MLIP: variants seen among roughly 807,000 people sequenced by gnomAD.
MLIP encodes muscular LMNA interacting protein.
Under a neutral mutation model 84.8 loss-of-function variants are expected in MLIP, and 79 were observed. The observed-to-expected ratio is 0.93, with a 90% CI of 0.78 to 1.12. The LOEUF (loss-of-function observed/expected upper bound fraction) is 1.12. MLIP is among the 50% of genes most tolerant of loss of function. The pLI, the probability that MLIP is intolerant of heterozygous loss-of-function variation, is 0.00. For missense variants in MLIP, 1,257 were observed against 1,160.6 expected, an observed-to-expected ratio of 1.08 and a Z score of -1.21; for synonymous variants, 504 against 463.0, an observed-to-expected ratio of 1.09 and a Z score of -1.14.
intron 2 of MLIP, among the ~76,000 whole-genome samples, chr6:54,122,420 T>TGTTA (rs1342334746): frequency 6.6e-6 from 1 of 152,186 alleles, no homozygotes; most frequent in African/African-American, 2.4e-5. Context: ...AAATAACTTG[T>TGTTA]GTTAGAATAA....
At chr6:54,209,602 T>C (rs1024760035) in intron 11 of MLIP, among the ~76,000 whole-genome samples, 1 of 152,106 alleles carries the variant, frequency 6.6e-6, no homozygotes, top group Non-Finnish European at 1.5e-5. Context: ...TACCGGTAGG[T>C]TTTAGAGTTT....
Position 54,136,921 on chromosome 6 carries a change from T to A in MLIP, c.852T>A (p.Ser284=). The A allele has an allele frequency of 6.5e-7, 1 of 1,536,036 alleles. No individual in the cohort carries two copies. The highest frequency in any genetic ancestry group is 2.4e-5 in the East Asian group (1 of 40,914). ...CGTATTTTCAAACTACCGCTCACTCTACACCCTTTTCTGCATCGAAGGGCA... is the reference window on the plus strand; with the variant it reads ...CGTATTTTCAAACTACCGCTCACTCAACACCCTTTTCTGCATCGAAGGGCA... ...SATYFQTTAH[S]TPFSASKGTS... The change falls in exon 4 of 14, where the codon TCT becomes TCA. Residue 284 remains serine (S), a synonymous_variant. Coordinates refer to ENST00000502396, the MANE Select transcript of MLIP (RefSeq NM_001281747.2).
intron 3 of MLIP, among the ~76,000 whole-genome samples, chr6:54,128,926 G>GT (rs367744663): frequency 1.4e-3 from 208 of 150,890 alleles, no homozygotes; most frequent in Middle Eastern, 6.9e-3. Context: ...TGGCAGCATT[G>GT]TTTTTTTTTG....
rs1234970044 is a variant in MLIP at position 54,160,259 on chromosome 6, A to AT, written c.2290-101dup. The AT allele has an allele frequency of 8.4e-6, 7 of 834,840 alleles. No homozygotes were observed. In the African/African-American group the frequency reaches 1.0e-4, roughly 12 times the overall value. 51.7% of individuals were successfully genotyped at this position (834,840 alleles called of 1,614,324 possible). ...GAATAGCTCATCAAATACTGTAAATATTTTTTTCTTGGAATATTAATACAT... is the reference window on the plus strand; with the variant it reads ...GAATAGCTCATCAAATACTGTAAATATTTTTTTTCTTGGAATATTAATACAT... On this transcript the variant is annotated intron_variant, in intron 5 of 13. Coordinates refer to ENST00000502396, the MANE Select transcript of MLIP (RefSeq NM_001281747.2).
chr6:54,221,976 T>C (rs1780253209), intron 11 of MLIP, among the ~76,000 whole-genome samples: 1 of 152,068 alleles, frequency 6.6e-6, no homozygotes, highest in Non-Finnish European at 1.5e-5. Flanking sequence ...ATTTGTAAAT[T>C]GAAAATTTTG....
chr6:54,258,111 T>C (rs1172205971), intron 13 of MLIP, among the ~76,000 whole-genome samples: 2 of 152,034 alleles, frequency 1.3e-5, no homozygotes, highest in Non-Finnish European at 2.9e-5. Flanking sequence ...AAAGTGATTT[T>C]AAAAAACTTA....
chr6:54,160,255 A>G (rs2150561445), intron 5 of MLIP, 112 bp from the exon 6 acceptor site: 2 of 802,920 alleles, frequency 2.5e-6, no homozygotes, highest in Non-Finnish European at 4.0e-6. Flanking sequence ...CAAATACTGT[A>G]AATATTTTTT....
chr6:54,226,704 G>A (rs1366096828), intron 11 of MLIP, among the ~76,000 whole-genome samples: 1 of 150,746 alleles, frequency 6.6e-6, no homozygotes, highest in Non-Finnish European at 1.5e-5. Context: ...AAAAACTCAA[G>A]AACATCAATA....
At chr6:54,246,738 G>A (rs1782111946) in intron 12 of MLIP, among the ~76,000 whole-genome samples, 1 of 152,036 alleles carries the variant, frequency 6.6e-6, no homozygotes, top group Non-Finnish European at 1.5e-5. Context: ...TTGTTTTGCT[G>A]TTGATGGTCC....
intron 11 of MLIP, among the ~76,000 whole-genome samples, chr6:54,226,032 T>C (rs1469956771): frequency 3.9e-5 from 6 of 152,174 alleles, no homozygotes; most frequent in Non-Finnish European, 8.8e-5. Flanking sequence ...TCCATTTCTA[T>C]GTTAGAGTTC....
At position 54,062,089 on chromosome 6, in the gene MLIP, A is replaced by G. The variant is rs142362056; in HGVS notation, c.63+42998A>G. On this transcript the variant is annotated intron_variant, in intron 1 of 12. Coordinates refer to the MLIP transcript ENST00000274897. ...AGACACCTTTGTGATAAAAAAGGTA[A>G]TAGCATATGGAAACATACATTCTAT... is the stretch of plus-strand genomic sequence containing the variant. Among the ~76,000 whole-genome samples, 421 of 152,348 alleles carry G rather than the reference A, an allele frequency of 2.8e-3. 6 individuals carry two copies. Among genetic ancestry groups the G allele is most frequent in the East Asian group, 0.026 (133 of 5,184 alleles).
intron 11 of MLIP, among the ~76,000 whole-genome samples, chr6:54,227,044 G>A (rs1780623366): frequency 6.6e-6 from 1 of 152,088 alleles, no homozygotes; most frequent in Admixed American, 6.6e-5. Flanking sequence ...TTAGATCATG[G>A]GGGCAGATTT....
intron 5 of MLIP, among the ~76,000 whole-genome samples, 194 bp downstream of exon 5, chr6:54,149,321 G>A (rs547926308): frequency 4.8e-4 from 73 of 152,264 alleles, no homozygotes; most frequent in Non-Finnish European, 8.5e-4. Flanking sequence ...TTTATTGCTA[G>A]AGACTGAATA....
chr6:54,111,351 T>A (rs1160477589), upstream of MLIP: 10 of 1,416,952 alleles, frequency 7.1e-6, no homozygotes, highest in Non-Finnish European at 9.2e-6. Context: ...TTCCTCAATT[T>A]TGGAATGACT....
chr6:54,186,807 G>C (rs1777439839), intron 9 of MLIP, among the ~76,000 whole-genome samples: 1 of 152,058 alleles, frequency 6.6e-6, no homozygotes, highest in Non-Finnish European at 1.5e-5. Context: ...GATACGATTT[G>C]GGTGGGGACA....
chr6:54,044,336 A>G (rs1405925544), intron 1 of MLIP, among the ~76,000 whole-genome samples: 1 of 152,220 alleles, frequency 6.6e-6, no homozygotes, highest in Non-Finnish European at 1.5e-5. Context: ...TTGAGTTGCC[A>G]TCTCTAAGCA....
At chr6:54,038,616 T>C (rs1232123400) in intron 1 of MLIP, among the ~76,000 whole-genome samples, 1 of 151,804 alleles carries the variant, frequency 6.6e-6, no homozygotes, top group Non-Finnish European at 1.5e-5. Flanking sequence ...GAAGTTTTGA[T>C]GATTCCTTAA....
chr6:54,147,251 G>A lies in MLIP; in HGVS notation c.2218-1805G>A, dbSNP rs142940112. On this transcript the variant is annotated intron_variant, in intron 4 of 13. Transcript: ENST00000502396. ...CACAGGCAGGCTCTTTATGGGCTGC[G>A]TGGTCTTGGACAAGTCATTTGACCT... Among the ~76,000 whole-genome samples the A allele has an allele frequency of 2.0e-4, 30 of 152,246 alleles. No individual in the cohort carries two copies. The East Asian group carries it at 4.1e-3, about 21-fold the overall frequency.
At chr6:54,240,152 A>C (rs1483246055) in intron 12 of MLIP, among the ~76,000 whole-genome samples, 1 of 152,350 alleles carries the variant, frequency 6.6e-6, no homozygotes, top group African/African-American at 2.4e-5. Flanking sequence ...AACGAAATAG[A>C]ATCACTATTA....
Sources: allele counts gnomAD v4.1 joint callset (sites outside exome capture counted in the v4.1 genomes callset), GRCh38; gene constraint gnomAD v4.1.1; transcripts MANE v1.5; gene names NCBI Gene and HGNC (gene_info 2026-07-23, HGNC 2026-07-21).